MBOAT2: variants seen among roughly 807,000 people sequenced by gnomAD.
The protein encoded by MBOAT2 is membrane-bound glycerophospholipid O-acyltransferase 2.
Under a neutral mutation model 63.4 loss-of-function variants are expected in MBOAT2, and 28 were observed. The ratio of observed to expected loss-of-function variants is 0.44; its 90% CI spans 0.33 to 0.61. MBOAT2 has a LOEUF of 0.61. Ranked by LOEUF, MBOAT2 falls within the 20% of genes least tolerant of loss-of-function variation. The pLI, the probability that MBOAT2 is intolerant of heterozygous loss-of-function variation, is 0.03. For synonymous variants in MBOAT2, 211 were observed against 215.6 expected (o/e 0.98, Z 0.19); for missense variants, 470 against 605.8 (o/e 0.78, Z 2.35).
chr2:8,964,006 T>G (rs1573186115), intron 1 of MBOAT2, among the ~76,000 whole-genome samples: 1 of 152,194 alleles, frequency 6.6e-6, no homozygotes, highest in Non-Finnish European at 1.5e-5. Context: ...TACTTCCATA[T>G]GCACAGGCCC....
intron 5 of MBOAT2, among the ~76,000 whole-genome samples, chr2:8,886,539 A>C (rs893616179): frequency 3.3e-5 from 5 of 152,196 alleles, no homozygotes; most frequent in African/African-American, 4.8e-5. Context: ...GGCCTGCAGC[A>C]AACTGTCTCA....
At chr2:8,915,025 A>C (rs1415318913) in intron 3 of MBOAT2, among the ~76,000 whole-genome samples, 2 of 123,810 alleles carry the variant, frequency 1.6e-5, no homozygotes, top group Non-Finnish European at 3.1e-5. Flanking sequence ...TGCAACCTCC[A>C]CCTCCCAGGT....
intron 2 of MBOAT2, among the ~76,000 whole-genome samples, chr2:8,956,144 G>A (rs1669211260): frequency 6.6e-6 from 1 of 152,164 alleles, no homozygotes; most frequent in Non-Finnish European, 1.5e-5. Flanking sequence ...CATCTCTGAG[G>A]CATGCCTGTA....
At chr2:8,994,709 A>C (rs1014072916) in intron 1 of MBOAT2, among the ~76,000 whole-genome samples, 13 of 152,364 alleles carry the variant, frequency 8.5e-5, no homozygotes, top group Non-Finnish European at 1.3e-4. Flanking sequence ...ATGTAGGTGT[A>C]GCATGCACGA....
rs1028402312 is a variant in MBOAT2 at position 8,862,420 on chromosome 2, G to C, written c.1185+170C>G. 1 of 1,321,992 alleles carries C rather than the reference G, an allele frequency of 7.6e-7. No homozygotes were observed. The highest frequency in any genetic ancestry group is 1.0e-6 in the Non-Finnish European group (1 of 973,228). 81.9% of individuals were successfully genotyped at this position (1,321,992 alleles called of 1,614,324 possible). ...AGGAACTGGGCATGGAGCCTAGCCC[G>C]TGGTGAGCGCTCAGCAAACATGCAC... On this transcript the variant is annotated intron_variant, in intron 11 of 12. Transcript: ENST00000305997. The surrounding 1 kb of genome is among the most constrained non-coding windows in gnomAD (Gnocchi z 4.3).
intron 4 of MBOAT2, among the ~76,000 whole-genome samples, chr2:8,900,820 C>T (rs2148574600): frequency 6.6e-6 from 1 of 152,288 alleles, no homozygotes; most frequent in South Asian, 2.1e-4. Context: ...GATCAAGCTT[C>T]AGGATAGTAT....
intron 1 of MBOAT2, among the ~76,000 whole-genome samples, chr2:8,998,322 G>C (rs1005038948): frequency 9.2e-5 from 14 of 152,156 alleles, no homozygotes; most frequent in African/African-American, 3.4e-4. Flanking sequence ...AAGTAGACAG[G>C]AGAGAGAAAT....
intron 4 of MBOAT2, among the ~76,000 whole-genome samples, chr2:8,888,973 T>C (rs1460728944): frequency 6.6e-6 from 1 of 152,268 alleles, no homozygotes; most frequent in East Asian, 1.9e-4. Context: ...AGAAGTTATT[T>C]AATTTTTTGA....
chr2:8,970,737 T>C (rs1033247845), intron 1 of MBOAT2, among the ~76,000 whole-genome samples: 19 of 152,224 alleles, frequency 1.2e-4, no homozygotes, highest in African/African-American at 2.4e-4. Context: ...GAGAATACTA[T>C]AAACACCTCT....
intron 1 of MBOAT2, among the ~76,000 whole-genome samples, chr2:8,978,250 G>A (rs991954916): frequency 1.3e-5 from 2 of 151,944 alleles, no homozygotes; most frequent in African/African-American, 4.8e-5. Flanking sequence ...CCACCCCAAA[G>A]CTGACACTTC....
intron 3 of MBOAT2, among the ~76,000 whole-genome samples, chr2:8,911,786 C>T (rs1382226333): frequency 2.0e-5 from 3 of 152,182 alleles, no homozygotes; most frequent in African/African-American, 7.2e-5. Flanking sequence ...GGGGCAGATG[C>T]TCAATGTTGA....
chr2:8,869,323 A>G (rs1212769048), intron 8 of MBOAT2, among the ~76,000 whole-genome samples: 1 of 150,610 alleles, frequency 6.6e-6, no homozygotes, highest in Non-Finnish European at 1.5e-5. Flanking sequence ...CTGGCATTTC[A>G]GGCAAGAGCT....
chr2:8,965,592 T>TTGTATATTTTCTCCAGCTTTATA (rs1370596759), intron 1 of MBOAT2, among the ~76,000 whole-genome samples: 1 of 152,206 alleles, frequency 6.6e-6, no homozygotes, highest in Non-Finnish European at 1.5e-5. Flanking sequence ...CCACAAAAGA[T>TTGTATATTTTCTCCAGCTTTATA]TGTATATTTT....
intron 3 of MBOAT2, among the ~76,000 whole-genome samples, chr2:8,915,213 A>G (rs955415329): frequency 5.3e-5 from 8 of 152,124 alleles, no homozygotes; most frequent in African/African-American, 1.7e-4. Flanking sequence ...TGCTGGAATT[A>G]CAAGCATGAG....
At chr2:8,971,971 C>T (rs980268392) in intron 1 of MBOAT2, among the ~76,000 whole-genome samples, 1 of 152,064 alleles carries the variant, frequency 6.6e-6, no homozygotes, top group African/African-American at 2.4e-5. Context: ...CAATGCCGTC[C>T]CCATCAAGCT....
intron 9 of MBOAT2, among the ~76,000 whole-genome samples, chr2:8,866,060 TA>T (rs2148513644): frequency 6.6e-6 from 1 of 151,880 alleles, no homozygotes; most frequent in South Asian, 2.1e-4. Context: ...AATAAATAAA[TA>T]AAACCATAAA....
At position 8,858,643 on chromosome 2, in the gene MBOAT2, AT is replaced by A; in HGVS notation, c.*35del. On this transcript the variant is annotated 3_prime_UTR_variant, in exon 13 of 13. Coordinates refer to ENST00000305997, the MANE Select transcript of MBOAT2 (RefSeq NM_138799.4). ...GGTGCTAAGATTGGTTTCTGTTAAC[AT>A]CAAAAAAAAAAAACAGCCCTCAGAG... The A allele has an allele frequency of 6.8e-7, 1 of 1,468,890 alleles. No homozygotes were observed. Among genetic ancestry groups the A allele is most frequent in the Non-Finnish European group, 9.3e-7 (1 of 1,078,250 alleles). The allele number at this position is 1,468,890 out of a possible 1,614,324, so 91.0% of individuals were successfully genotyped here.
chr2:8,943,425 A>G (rs1033314489), intron 2 of MBOAT2, among the ~76,000 whole-genome samples, 161 bp from the exon 3 acceptor site: 17 of 152,196 alleles, frequency 1.1e-4, no homozygotes, highest in Non-Finnish European at 2.1e-4. Flanking sequence ...CACCCTAAAG[A>G]GAGAGTCCCA....
chr2:8,883,339 G>A (rs564096842), intron 5 of MBOAT2, among the ~76,000 whole-genome samples: 9 of 152,180 alleles, frequency 5.9e-5, no homozygotes, highest in Non-Finnish European at 8.8e-5. Flanking sequence ...TTAATTTCAC[G>A]ATTAATAATG....
Sources: allele counts gnomAD v4.1 joint callset (sites outside exome capture counted in the v4.1 genomes callset), GRCh38; gene constraint gnomAD v4.1.1; non-coding constraint Gnocchi (gnomAD v3.1); transcripts MANE v1.5; gene names NCBI Gene and HGNC (gene_info 2026-07-23, HGNC 2026-07-21).